The following TMEM117 variants were observed in gnomAD, a reference collection of about 807,000 sequenced individuals.
TMEM117 encodes the protein transmembrane protein 117.
TMEM117 carries 27 observed loss-of-function variants against 52.4 expected under a neutral mutation model. The observed-to-expected ratio is 0.51, with a 90% CI of 0.38 to 0.71. TMEM117 has a LOEUF of 0.71. TMEM117 is among the 30% of genes least tolerant of loss of function. The pLI is 0.00. For missense variants in TMEM117, 556 were observed against 630.5 expected (o/e 0.88, Z 1.26); for synonymous variants, 215 against 206.3 (o/e 1.04, Z -0.36).
At chr12:44,375,622 T>G (rs1295459421) in intron 6 of TMEM117, among the ~76,000 whole-genome samples, 1 of 152,214 alleles carries the variant, frequency 6.6e-6, no homozygotes, top group Non-Finnish European at 1.5e-5. Flanking sequence ...TTTCTTTATA[T>G]TGATGTAATA....
chr12:44,121,736 A>C (rs1364478960), intron 3 of TMEM117, among the ~76,000 whole-genome samples: 1 of 152,122 alleles, frequency 6.6e-6, no homozygotes, highest in African/African-American at 2.4e-5. Flanking sequence ...CAGGGGATAC[A>C]TGTGCAGGTT....
Position 44,389,065 on chromosome 12 carries a change from T to TGATACG in TMEM117, c.*393_*394insGATACG. On this transcript the variant is annotated 3_prime_UTR_variant, in exon 8 of 8. Transcript: ENST00000266534. ...ACCTATTTCACATGGGCGTTTTGTA[T>TGATACG]ACAACTATTTTGATCTACACTTGAT... 2 of 154,198 alleles carry TGATACG rather than the reference T, an allele frequency of 1.3e-5. No homozygotes were observed. Among genetic ancestry groups the TGATACG allele is most frequent in the South Asian group, 1.7e-4 (1 of 5,904 alleles). 9.6% of individuals were successfully genotyped at this position (154,198 alleles called of 1,614,324 possible). A position where few individuals can be genotyped will look rare whatever the true frequency, so the allele number is the denominator to read the frequency against.
intron 2 of TMEM117, among the ~76,000 whole-genome samples, chr12:43,897,608 T>C (rs1238269809): frequency 6.6e-6 from 1 of 151,964 alleles, no homozygotes; most frequent in African/African-American, 2.4e-5. Flanking sequence ...CCACCGCGCC[T>C]GGACTTTTCT....
chr12:44,264,137 T>C (rs1950350787), intron 5 of TMEM117, among the ~76,000 whole-genome samples: 1 of 152,210 alleles, frequency 6.6e-6, no homozygotes, highest in Non-Finnish European at 1.5e-5. Context: ...TATAAGTTGA[T>C]GAGTGTTTAG....
chr12:44,296,040 G>T (rs995831975), intron 5 of TMEM117, among the ~76,000 whole-genome samples: 1 of 152,134 alleles, frequency 6.6e-6, no homozygotes, highest in Non-Finnish European at 1.5e-5. Flanking sequence ...GACCACAGTC[G>T]ACTGGAATTT....
At chr12:44,212,890 T>G (rs1200623691) in intron 5 of TMEM117, among the ~76,000 whole-genome samples, 1 of 152,288 alleles carries the variant, frequency 6.6e-6, no homozygotes, top group East Asian at 1.9e-4. Flanking sequence ...GCTTTAGTAC[T>G]ATCATTAAAT....
At chr12:44,282,806 T>G (rs888059645) in intron 5 of TMEM117, among the ~76,000 whole-genome samples, 1 of 152,158 alleles carries the variant, frequency 6.6e-6, no homozygotes, top group African/African-American at 2.4e-5. Flanking sequence ...GTGTAAAATA[T>G]CTCCAGGCTG....
chr12:43,805,828 C>T, the TMEM117 span: 2 of 1,384,544 alleles, frequency 1.4e-6, no homozygotes, highest in Non-Finnish European at 1.9e-6. Context: ...AAAGAAAACT[C>T]GCCTGGTTCT....
intron 3 of TMEM117, among the ~76,000 whole-genome samples, chr12:44,045,616 G>A (rs535225198): frequency 4.6e-5 from 7 of 152,186 alleles, no homozygotes; most frequent in African/African-American, 9.6e-5. Flanking sequence ...GGCTTGAGGC[G>A]GTTGGATCAC....
chr12:44,235,961 G>A (rs1706563629), intron 5 of TMEM117, among the ~76,000 whole-genome samples: 1 of 151,698 alleles, frequency 6.6e-6, no homozygotes, highest in Non-Finnish European at 1.5e-5. Context: ...GGTTTCCATT[G>A]TTTCTGTTAA....
chr12:44,164,578 T>C (rs1948939576), intron 4 of TMEM117, among the ~76,000 whole-genome samples: 1 of 152,138 alleles, frequency 6.6e-6, no homozygotes, highest in African/African-American at 2.4e-5. Flanking sequence ...AAAACCCTTG[T>C]AAAAGGCAAC....
chr12:44,171,643 T>G (rs991045511), intron 4 of TMEM117, among the ~76,000 whole-genome samples: 23 of 152,214 alleles, frequency 1.5e-4, no homozygotes, highest in African/African-American at 5.5e-4. Flanking sequence ...AATATCATAG[T>G]AAAATCGTTT....
At chr12:43,913,133 C>T (rs1334992758) in intron 2 of TMEM117, among the ~76,000 whole-genome samples, 1 of 152,148 alleles carries the variant, frequency 6.6e-6, no homozygotes, top group Non-Finnish European at 1.5e-5. Context: ...CACATACCAA[C>T]ATTTAAACAC....
chr12:44,056,624 A>G (rs1337566653), intron 3 of TMEM117, among the ~76,000 whole-genome samples: 2 of 152,176 alleles, frequency 1.3e-5, no homozygotes, highest in Non-Finnish European at 2.9e-5. Flanking sequence ...GTATTTTAAC[A>G]TAAATTATAC....
chr12:44,158,247 T>C (rs1199771956), intron 4 of TMEM117, among the ~76,000 whole-genome samples: 1 of 152,170 alleles, frequency 6.6e-6, no homozygotes, highest in East Asian at 1.9e-4. Context: ...CATTGACTTG[T>C]CTATAAAAGT....
chr12:43,924,400 G>A (rs1317907275), intron 2 of TMEM117, among the ~76,000 whole-genome samples: 1 of 152,066 alleles, frequency 6.6e-6, no homozygotes, highest in Non-Finnish European at 1.5e-5. Flanking sequence ...TGACTGAAAG[G>A]ATATAAAATA....
chr12:44,215,792 G>A (rs2138411824), intron 5 of TMEM117, among the ~76,000 whole-genome samples: 1 of 151,656 alleles, frequency 6.6e-6, no homozygotes, highest in African/African-American at 2.4e-5. Flanking sequence ...AGAAGGGATT[G>A]GGAGATCTAG....
chr12:43,867,285 A>G (rs1943618767), intron 2 of TMEM117, among the ~76,000 whole-genome samples: 1 of 152,194 alleles, frequency 6.6e-6, no homozygotes, highest in Non-Finnish European at 1.5e-5. Flanking sequence ...AACTGTGATA[A>G]GTTAAAAAGG....
At chr12:44,354,816 A>G (rs1951621494) in intron 6 of TMEM117, among the ~76,000 whole-genome samples, 1 of 150,176 alleles carries the variant, frequency 6.7e-6, no homozygotes, top group South Asian at 2.1e-4. Flanking sequence ...TTTAAAAATT[A>G]AAAAAAAAAT....
Sources: gnomAD v4.1 joint callset for allele counts (sites outside exome capture counted in the v4.1 genomes callset) on GRCh38, gnomAD v4.1.1 for gene constraint, MANE v1.5 for transcripts, NCBI Gene and HGNC (gene_info 2026-07-23, HGNC 2026-07-21) for gene names.